Variants in FRMD6 observed in about 807,000 individuals in gnomAD.
FRMD6 encodes the protein FERM domain containing 6.
Under a neutral mutation model 73.2 loss-of-function variants are expected in FRMD6, and 37 were observed. The observed-to-expected ratio is 0.51, with a 90% confidence interval of 0.39 to 0.66. The LOEUF is 0.66. FRMD6 is among the 30% of genes least tolerant of loss of function. The pLI is 0.00. For missense variants in FRMD6, 714 were observed against 780.5 expected, an observed-to-expected ratio of 0.91 and a Z score of 1.02; for synonymous variants, 273 against 282.2, an observed-to-expected ratio of 0.97 and a Z score of 0.33.
intron 1 of FRMD6, among the ~76,000 whole-genome samples, chr14:51,500,306 A>T (rs1047435536): frequency 6.6e-6 from 1 of 152,116 alleles, no homozygotes; most frequent in East Asian, 1.9e-4. Context: ...AGGTGGGCGG[A>T]TCATGAGGTC....
intron 2 of FRMD6, among the ~76,000 whole-genome samples, chr14:51,634,019 A>T (rs990952566): frequency 7.1e-5 from 7 of 99,084 alleles, no homozygotes; most frequent in Admixed American, 6.8e-4. Context: ...TGTAGTTCAG[A>T]CAGTCTGCAA....
chr14:51,632,049 T>C (rs1891358221), intron 2 of FRMD6, among the ~76,000 whole-genome samples: 1 of 152,216 alleles, frequency 6.6e-6, no homozygotes, highest in Non-Finnish European at 1.5e-5. Flanking sequence ...GGAAATAGAA[T>C]CACAGAGGTG....
chr14:51,430,384 C>A, the FRMD6 span, among the ~76,000 whole-genome samples: 1 of 152,308 alleles, frequency 6.6e-6, no homozygotes, highest in East Asian at 1.9e-4. Context: ...CCAAAGTATT[C>A]TTTTCTGGCC....
At chr14:51,429,729 T>C in the FRMD6 span, among the ~76,000 whole-genome samples, 1 of 152,212 alleles carries the variant, frequency 6.6e-6, no homozygotes, top group African/African-American at 2.4e-5. Context: ...GGGCAAGTCA[T>C]GTATATTTTC....
At position 51,505,413 on chromosome 14, in the gene FRMD6, C is replaced by T. The variant is rs1000144918; in HGVS notation, c.-210+15993C>T. ...TCGAATTTTTACATGAATTGTAAAA[C>T]AAACTGGGCACTTCCTAGAGAAGGG... On this transcript the variant is annotated intron_variant, in intron 1 of 14. Transcript: ENST00000356218. 2.6e-5 allele frequency among the ~76,000 whole-genome samples: 4 copies of T among 152,132 alleles called. No homozygotes were observed. The East Asian group carries it at 7.7e-4, about 29-fold the overall frequency.
intron 1 of FRMD6, among the ~76,000 whole-genome samples, chr14:51,687,048 T>G (rs189068724): frequency 5.3e-4 from 81 of 152,264 alleles, no homozygotes; most frequent in African/African-American, 1.9e-3. Context: ...GACTCTGCTT[T>G]TATTACATTT....
chr14:51,577,612 T>C (rs187895350), intron 2 of FRMD6, among the ~76,000 whole-genome samples: 154 of 152,322 alleles, frequency 1.0e-3, no homozygotes, highest in African/African-American at 3.5e-3. Flanking sequence ...TTTAAAGTAC[T>C]ATGACAGTAC....
intron 1 of FRMD6, among the ~76,000 whole-genome samples, chr14:51,553,005 TA>T (rs950326207): frequency 2.2e-4 from 33 of 152,216 alleles, no homozygotes; most frequent in African/African-American, 7.9e-4. Context: ...TCAGTTCAAA[TA>T]GGGGAGACTG....
At chr14:51,615,103 A>C (rs1440341763) in intron 2 of FRMD6, among the ~76,000 whole-genome samples, 1 of 152,186 alleles carries the variant, frequency 6.6e-6, no homozygotes, top group African/African-American at 2.4e-5. Flanking sequence ...GGAAAATAAA[A>C]GGAAACAAAA....
intron 1 of FRMD6, among the ~76,000 whole-genome samples, chr14:51,658,326 T>G (rs985670669): frequency 1.8e-5 from 2 of 109,850 alleles, no homozygotes; most frequent in African/African-American, 7.2e-5. Context: ...CTTTTCCCTT[T>G]TTTCTCTCTC....
chr14:51,537,298 A>G (rs184772452), intron 1 of FRMD6, among the ~76,000 whole-genome samples: 1 of 152,258 alleles, frequency 6.6e-6, no homozygotes, highest in East Asian at 1.9e-4. Context: ...AGTAATATAC[A>G]TTGAAGTTTC....
At chr14:51,403,943 C>A in the FRMD6 span, among the ~76,000 whole-genome samples, 142,715 of 152,246 alleles carry the variant, frequency 0.94, 67,055 homozygotes, top group East Asian at 1. Flanking sequence ...AAGATGTGAA[C>A]TTACAGGACT....
At chr14:51,651,831 G>GA (rs1555331095), upstream of FRMD6, 1 of 127,200 alleles carries the variant, frequency 7.9e-6, no homozygotes, top group Non-Finnish European at 1.7e-5. Flanking sequence ...ATTCGGGGGG[G>GA]CGGGTCGGGT....
the FRMD6 span, among the ~76,000 whole-genome samples, chr14:51,440,431 A>G: frequency 9.2e-5 from 14 of 152,324 alleles, no homozygotes; most frequent in African/African-American, 3.4e-4. Flanking sequence ...TGGTTATGTA[A>G]AGCTGGAATG....
chr14:51,417,638 C>T, the FRMD6 span, among the ~76,000 whole-genome samples: 2 of 152,260 alleles, frequency 1.3e-5, no homozygotes, highest in East Asian at 3.9e-4. Flanking sequence ...CTTGGGGTTG[C>T]TCTTCTCAAG....
chr14:51,725,673 GT>G, intron 12 of FRMD6, 105 bp from the exon 13 acceptor site: 1 of 830,498 alleles, frequency 1.2e-6, no homozygotes, highest in Non-Finnish European at 2.0e-6. Context: ...TTTGGTAATG[GT>G]TAATATTTGA....
the FRMD6 span, among the ~76,000 whole-genome samples, chr14:51,471,588 T>G: frequency 6.6e-6 from 1 of 152,146 alleles, no homozygotes; most frequent in Non-Finnish European, 1.5e-5. Context: ...AAAGAAACAT[T>G]CGGCATTCTT....
chr14:51,631,169 T>C (rs1375048731), intron 2 of FRMD6, among the ~76,000 whole-genome samples: 1 of 152,224 alleles, frequency 6.6e-6, no homozygotes. Context: ...TGAGTAATAG[T>C]TCTGCTTCTC....
intron 2 of FRMD6, among the ~76,000 whole-genome samples, chr14:51,614,572 G>T (rs1486902275): frequency 4.6e-5 from 7 of 151,944 alleles, no homozygotes; most frequent in Middle Eastern, 3.4e-3. Flanking sequence ...TGTTTTTTGT[G>T]GTCTCTTTTC....
Sources: gnomAD v4.1 joint callset for allele counts (sites outside exome capture counted in the v4.1 genomes callset) on GRCh38, gnomAD v4.1.1 for gene constraint, MANE v1.5 for transcripts, NCBI Gene and HGNC (gene_info 2026-07-23, HGNC 2026-07-21) for gene names.